SLC16A7: variants seen among roughly 807,000 people sequenced by gnomAD.
SLC16A7 encodes the protein solute carrier family 16 member 7.
In SLC16A7, 33 loss-of-function variants were observed where a neutral mutation model predicts 34.9. The ratio of observed to expected loss-of-function variants is 0.94; its 90% CI spans 0.72 to 1.26. SLC16A7 has a LOEUF of 1.26. Among genes scored for constraint, SLC16A7 ranks in the 50% most tolerant of loss-of-function variants. The pLI, the probability that SLC16A7 is intolerant of heterozygous loss-of-function variation, is 0.00. For synonymous variants in SLC16A7, 201 were observed against 206.6 expected (o/e 0.97, Z 0.23); for missense variants, 573 against 578.1 (o/e 0.99, Z 0.09).
At chr12:59,620,312 T>C (rs1467771827) in intron 1 of SLC16A7, among the ~76,000 whole-genome samples, 1 of 151,984 alleles carries the variant, frequency 6.6e-6, no homozygotes, top group Non-Finnish European at 1.5e-5. Flanking sequence ...CAAAACTGAT[T>C]GACTTGGGAA....
chr12:59,754,999 A>T (rs887762801), intron 3 of SLC16A7, among the ~76,000 whole-genome samples: 8 of 152,346 alleles, frequency 5.3e-5, no homozygotes, highest in Non-Finnish European at 1.2e-4. Context: ...AGAACCAAAG[A>T]CAAAAAACAC....
At chr12:59,717,247 C>T (rs1382195880) in intron 3 of SLC16A7, among the ~76,000 whole-genome samples, 1 of 152,154 alleles carries the variant, frequency 6.6e-6, no homozygotes, top group Non-Finnish European at 1.5e-5. Flanking sequence ...TCCCCACTTC[C>T]ATCAGAAATA....
At chr12:59,659,678 G>T (rs1208136642) in intron 2 of SLC16A7, among the ~76,000 whole-genome samples, 2 of 152,048 alleles carry the variant, frequency 1.3e-5, no homozygotes, top group South Asian at 2.1e-4. Context: ...GTCAAATGGG[G>T]TTTCTCATTT....
At chr12:59,603,141 T>C (rs1565614083) in intron 1 of SLC16A7, among the ~76,000 whole-genome samples, 1 of 152,218 alleles carries the variant, frequency 6.6e-6, no homozygotes, top group African/African-American at 2.4e-5. Context: ...ATTCTGTTGT[T>C]GCCAGAAGTT....
rs892411077 is a variant in SLC16A7 at position 59,786,010 on chromosome 12, G to A, written c.*6331G>A. Reference sequence around the variant, plus strand: ...TGAGAACACATGGACACAGGAAGGGGAACATCACACTCTGGGGACTGTGGT... The same window carrying A: ...TGAGAACACATGGACACAGGAAGGGAAACATCACACTCTGGGGACTGTGGT... On this transcript the variant is annotated 3_prime_UTR_variant, in exon 6 of 6. Transcript: ENST00000547379. The A allele has an allele frequency of 7.8e-6, 1 of 128,234 alleles. No homozygotes were observed. Among genetic ancestry groups the A allele is most frequent in the African/African-American group, 3.0e-5 (1 of 33,588 alleles). 7.9% of individuals were successfully genotyped at this position (128,234 alleles called of 1,614,324 possible).
In SLC16A7 at chr12:59,688,183, T is replaced by C. The variant is rs375649096; in HGVS notation, c.-30-16589T>C. On this transcript the variant is annotated intron_variant, in intron 2 of 5. Transcript: ENST00000547379. Reference sequence around the variant, plus strand: ...TCTTCTTTTGATAATTACCAACTAATTGAGTGTCTCCTGAAGTCATTGGGG... The same window carrying C: ...TCTTCTTTTGATAATTACCAACTAACTGAGTGTCTCCTGAAGTCATTGGGG... 1.3e-3 allele frequency among the ~76,000 whole-genome samples: 192 copies of C among 152,122 alleles called. 4 individuals carry two copies. In the South Asian group the frequency reaches 0.02, roughly 16 times the overall value.
chr12:59,606,636 G>A (rs920393515), intron 1 of SLC16A7, among the ~76,000 whole-genome samples: 2 of 152,158 alleles, frequency 1.3e-5, no homozygotes, highest in Admixed American at 6.5e-5. Context: ...CTCAGCCGAT[G>A]TTTCAGTGCA....
chr12:59,713,164 C>T lies in SLC16A7; in HGVS notation c.217+8146C>T, dbSNP rs374836800. On this transcript the variant is annotated intron_variant, in intron 3 of 5. Transcript: ENST00000547379. Reference sequence around the variant, plus strand: ...CCTCTTGAGTAGCTGGGATTACAGGCACCCACGACCACACCCAGCTAATTT... The same window carrying T: ...CCTCTTGAGTAGCTGGGATTACAGGTACCCACGACCACACCCAGCTAATTT... Among the ~76,000 whole-genome samples, 193 of 152,082 alleles carry T rather than the reference C, an allele frequency of 1.3e-3. 4 individuals carry two copies. The South Asian group carries it at 0.02, about 15-fold the overall frequency.
intron 2 of SLC16A7, among the ~76,000 whole-genome samples, chr12:59,680,368 T>A (rs1294386496): frequency 6.6e-6 from 1 of 152,192 alleles, no homozygotes; most frequent in African/African-American, 2.4e-5. Flanking sequence ...CCTTGGAATT[T>A]ATAGGAATTA....
rs776335231 is a variant in SLC16A7, at chr12:59,774,837, T to G, written c.542T>G (p.Leu181Trp). 2.4e-5 allele frequency: 38 copies of G among 1,613,942 alleles called. No homozygotes were observed. Among genetic ancestry groups the G allele is most frequent in the Non-Finnish European group, 3.2e-5 (38 of 1,179,954 alleles). ...TFGWKGSFLILGSLLLNACVA... is the reference protein window; with the variant it reads ...TFGWKGSFLIWGSLLLNACVA... ...GGCTGGAAAGGAAGCTTCCTGATTTTGGGAAGTCTACTTTTGAATGCCTGT... is the reference window on the plus strand; with the variant it reads ...GGCTGGAAAGGAAGCTTCCTGATTTGGGGAAGTCTACTTTTGAATGCCTGT... The change falls in exon 5 of 6, where the codon TTG becomes TGG. Residue 181 changes from leucine to tryptophan, a missense_variant. Coordinates refer to ENST00000547379, the MANE Select transcript of SLC16A7 (RefSeq NM_001270623.2).
intron 3 of SLC16A7, among the ~76,000 whole-genome samples, chr12:59,762,057 T>C (rs973036157): frequency 2.6e-5 from 4 of 152,112 alleles, no homozygotes; most frequent in African/African-American, 4.8e-5. Flanking sequence ...ATGAGTGGTA[T>C]ACTTAAGCTC....
intron 1 of SLC16A7, among the ~76,000 whole-genome samples, chr12:59,629,971 C>T (rs1005779781): frequency 1.3e-4 from 19 of 151,778 alleles, no homozygotes; most frequent in African/African-American, 4.6e-4. Context: ...AGAAAGACAC[C>T]ATTTTTAAAT....
At chr12:59,670,248 C>T (rs894757189) in intron 2 of SLC16A7, among the ~76,000 whole-genome samples, 4 of 152,070 alleles carry the variant, frequency 2.6e-5, no homozygotes, top group East Asian at 1.9e-4. Context: ...ATCTGTCATA[C>T]AGGATAAAAG....
intron 1 of SLC16A7, among the ~76,000 whole-genome samples, chr12:59,617,709 A>G (rs1367328250): frequency 6.6e-6 from 1 of 151,986 alleles, no homozygotes; most frequent in Non-Finnish European, 1.5e-5. Context: ...ATAATAACTG[A>G]AATTATTGAG....
At chr12:59,748,243 A>C (rs916643325) in intron 3 of SLC16A7, among the ~76,000 whole-genome samples, 1 of 152,226 alleles carries the variant, frequency 6.6e-6, no homozygotes, top group Non-Finnish European at 1.5e-5. Context: ...ATCAGAACTT[A>C]TGCACAGGAA....
At chr12:59,681,951 CAT>C (rs111485413) in intron 2 of SLC16A7, among the ~76,000 whole-genome samples, 10,805 of 152,162 alleles carry the variant, frequency 0.071, 424 homozygotes, top group Middle Eastern at 0.17. Flanking sequence ...CCGAGAATCT[CAT>C]AACACAGCTT....
intron 3 of SLC16A7, among the ~76,000 whole-genome samples, chr12:59,762,822 CAA>C (rs35275657): frequency 7.8e-6 from 1 of 128,506 alleles, no homozygotes. Context: ...ACATCTTTCT[CAA>C]AAAAAAAAAA....
chr12:59,620,018 AT>A (rs1457793755), intron 1 of SLC16A7, among the ~76,000 whole-genome samples: 8 of 151,986 alleles, frequency 5.3e-5, no homozygotes, highest in African/African-American at 1.9e-4. Context: ...CTAACCCCAG[AT>A]TCCACACGTT....
intron 3 of SLC16A7, among the ~76,000 whole-genome samples, chr12:59,726,741 GT>G (rs1301614593): frequency 6.6e-6 from 1 of 152,010 alleles, no homozygotes; most frequent in Non-Finnish European, 1.5e-5. Context: ...TTCAGGTCAC[GT>G]TTTTCCTTAC....
Sources: allele counts gnomAD v4.1 joint callset (sites outside exome capture counted in the v4.1 genomes callset), GRCh38; gene constraint gnomAD v4.1.1; transcripts MANE v1.5; gene names NCBI Gene and HGNC (gene_info 2026-07-23, HGNC 2026-07-21).